ESRRB: variants seen among roughly 807,000 people sequenced by gnomAD.
ESRRB encodes steroid hormone receptor ERR2.
In ESRRB, 16 loss-of-function variants were observed where a neutral mutation model predicts 46.0. The observed-to-expected ratio is 0.35, with a 90% CI of 0.24 to 0.53. The LOEUF (loss-of-function observed/expected upper bound fraction) is 0.53. Among genes scored for constraint, ESRRB ranks in the 20% least tolerant of loss-of-function variants. The pLI is 0.93. For synonymous variants in ESRRB, 246 were observed against 259.6 expected (o/e 0.95, Z 0.50); for missense variants, 488 against 607.4 (o/e 0.80, Z 2.07).
chr14:76,403,487 A>G (rs1886029554), intron 1 of ESRRB, among the ~76,000 whole-genome samples: 1 of 152,188 alleles, frequency 6.6e-6, no homozygotes. Flanking sequence ...AATGGGAGGA[A>G]GTATAATACT....
chr14:76,395,102 C>T (rs994788042), intron 1 of ESRRB, among the ~76,000 whole-genome samples: 1 of 151,020 alleles, frequency 6.6e-6, no homozygotes, highest in Non-Finnish European at 1.5e-5. Flanking sequence ...TCTCCGTTTC[C>T]GACAGTCAGC....
chr14:76,421,958 T>C (rs965281022), intron 1 of ESRRB, among the ~76,000 whole-genome samples: 2 of 152,198 alleles, frequency 1.3e-5, no homozygotes, highest in Non-Finnish European at 2.9e-5. Flanking sequence ...TGAGCAGTAA[T>C]TGAAATGCAA....
intron 1 of ESRRB, among the ~76,000 whole-genome samples, chr14:76,410,235 C>A (rs1886376738): frequency 6.6e-6 from 1 of 152,100 alleles, no homozygotes. Flanking sequence ...AACAAACAAA[C>A]AAACAAACAA....
At chr14:76,331,589 G>A (rs1023350000) in intron 1 of ESRRB, among the ~76,000 whole-genome samples, 1 of 152,150 alleles carries the variant, frequency 6.6e-6, no homozygotes, top group Non-Finnish European at 1.5e-5. Context: ...GGAGAAGGCC[G>A]AATATGGACT....
intron 1 of ESRRB, among the ~76,000 whole-genome samples, chr14:76,386,320 A>G (rs1203018887): frequency 6.6e-6 from 1 of 152,178 alleles, no homozygotes; most frequent in African/African-American, 2.4e-5. Flanking sequence ...ATCCTATGCA[A>G]TGCTTGTTAA....
chr14:76,381,828 T>C (rs552888275), intron 1 of ESRRB, among the ~76,000 whole-genome samples: 1 of 152,238 alleles, frequency 6.6e-6, no homozygotes, highest in South Asian at 2.1e-4. Flanking sequence ...GCTCAATTTG[T>C]TTCTGAGAAC....
chr14:76,360,246 C>A (rs1412907689), intron 1 of ESRRB, among the ~76,000 whole-genome samples: 1 of 152,124 alleles, frequency 6.6e-6, no homozygotes, highest in Non-Finnish European at 1.5e-5. Flanking sequence ...ATAATCCCAT[C>A]CTGTGTGGGC....
intron 1 of ESRRB, among the ~76,000 whole-genome samples, chr14:76,437,207 T>C (rs1363804905): frequency 6.6e-6 from 1 of 152,162 alleles, no homozygotes; most frequent in Non-Finnish European, 1.5e-5. Flanking sequence ...AATTTTTGTA[T>C]TTTTTGTAGA....
At chr14:76,407,434 A>G (rs1566880801) in intron 1 of ESRRB, 4 of 574,244 alleles carry the variant, frequency 7.0e-6, no homozygotes, top group Non-Finnish European at 8.8e-6. Context: ...AAGAGCCTGC[A>G]TCGAGCAGAG....
At chr14:76,477,602 C>T (rs555596131) in intron 3 of ESRRB, among the ~76,000 whole-genome samples, 3 of 152,228 alleles carry the variant, frequency 2.0e-5, no homozygotes, top group African/African-American at 7.2e-5. Flanking sequence ...GGGCATGGGA[C>T]CTTCATTATC....
At chr14:76,400,340 G>A (rs1216693592) in intron 1 of ESRRB, among the ~76,000 whole-genome samples, 1 of 152,198 alleles carries the variant, frequency 6.6e-6, no homozygotes, top group African/African-American at 2.4e-5. Flanking sequence ...AAAGAGCACA[G>A]GGCAGAGAAC....
chr14:76,472,940 A>G (rs1889429836), intron 3 of ESRRB, among the ~76,000 whole-genome samples: 1 of 152,220 alleles, frequency 6.6e-6, no homozygotes, highest in East Asian at 1.9e-4. Flanking sequence ...GGAGCTTTGG[A>G]AAAATACTCA....
At chr14:76,369,677 A>G (rs1884574792), upstream of ESRRB, among the ~76,000 whole-genome samples, 1 of 152,218 alleles carries the variant, frequency 6.6e-6, no homozygotes, top group African/African-American at 2.4e-5. Context: ...ATTCCAAAAA[A>G]TAATTGGGTA....
chr14:76,500,469 A>G lies in ESRRB; in HGVS notation c.*2011A>G. ...ATCAAGGAACACCAGCTACAAACCA[A>G]GTCTAGCACAGTGTTTAGAGGCTCT... is the stretch of plus-strand genomic sequence containing the variant. On this transcript the variant is annotated 3_prime_UTR_variant, in exon 7 of 7. Coordinates refer to ENST00000644823, the MANE Select transcript of ESRRB (RefSeq NM_001379180.1). 1 of 597,534 alleles carries G rather than the reference A, an allele frequency of 1.7e-6. No individual in the cohort carries two copies. The allele number at this position is 597,534 out of a possible 1,614,324, so 37.0% of individuals were successfully genotyped here.
intron 3 of ESRRB, among the ~76,000 whole-genome samples, chr14:76,476,778 TCCTCAGACAGCCATGTCATGG>T (rs1400586451): frequency 6.6e-6 from 1 of 152,212 alleles, no homozygotes; most frequent in Non-Finnish European, 1.5e-5. Context: ...TTCTTTGGTG[TCCTCAGACAGCCATGTCATGG>T]CTGCAAGGTC....
chr14:76,402,277 A>G (rs1313879499), intron 1 of ESRRB, among the ~76,000 whole-genome samples: 1 of 152,256 alleles, frequency 6.6e-6, no homozygotes, highest in African/African-American at 2.4e-5. Flanking sequence ...GACACTCAAA[A>G]TTAACCATCA....
intron 1 of ESRRB, among the ~76,000 whole-genome samples, chr14:76,354,072 T>A (rs1884346113): frequency 6.6e-6 from 1 of 152,164 alleles, no homozygotes; most frequent in Non-Finnish European, 1.5e-5. Flanking sequence ...TCCTGCTGCC[T>A]CCCTGCTGAG....
intron 1 of ESRRB, among the ~76,000 whole-genome samples, chr14:76,321,254 T>C (rs1309684772): frequency 6.6e-6 from 1 of 152,202 alleles, no homozygotes; most frequent in Non-Finnish European, 1.5e-5. Flanking sequence ...GCCTTCCCTA[T>C]AGTCTTCCAC....
chr14:76,373,809 A>G (rs1385001728), upstream of ESRRB, among the ~76,000 whole-genome samples: 1 of 152,204 alleles, frequency 6.6e-6, no homozygotes, highest in Non-Finnish European at 1.5e-5. Context: ...GCTCTGGTTC[A>G]CCTTCATGCC....
Sources: gnomAD v4.1 joint callset for allele counts (sites outside exome capture counted in the v4.1 genomes callset) on GRCh38, gnomAD v4.1.1 for gene constraint, MANE v1.5 for transcripts, NCBI Gene and HGNC (gene_info 2026-07-23, HGNC 2026-07-21) for gene names.